The following TMPRSS13 variants were observed in gnomAD, a reference collection of about 807,000 sequenced individuals.
TMPRSS13 encodes the protein transmembrane protease serine 13.
In TMPRSS13, 50 loss-of-function variants were observed where a neutral mutation model predicts 68.4. The ratio of observed to expected loss-of-function variants is 0.73; its 90% CI spans 0.58 to 0.93. The LOEUF (loss-of-function observed/expected upper bound fraction) is 0.93. Ranked by LOEUF, TMPRSS13 falls within the 40% of genes least tolerant of loss-of-function variation. The probability of loss-of-function intolerance (pLI) is 0.00; values close to 1 mark genes in which losing one functional copy is unlikely to be tolerated. For missense variants in TMPRSS13, 615 were observed against 729.2 expected, an observed-to-expected ratio of 0.84 and a Z score of 1.80; for synonymous variants, 267 against 285.8, an observed-to-expected ratio of 0.93 and a Z score of 0.66.
chr11:117,906,390 A>AG (rs1339865365), intron 9 of TMPRSS13, among the ~76,000 whole-genome samples: 1 of 152,178 alleles, frequency 6.6e-6, no homozygotes, highest in African/African-American at 2.4e-5. Flanking sequence ...TGGTGTCCCT[A>AG]GGGGGACCAG....
At chr11:117,924,474 G>A (rs75195166) in intron 1 of TMPRSS13, among the ~76,000 whole-genome samples, 7,511 of 152,182 alleles carry the variant, frequency 0.049, 274 homozygotes, top group East Asian at 0.18. Context: ...CCATAGGGTG[G>A]GCACGGGCAG....
chr11:117,904,085 G>A lies in TMPRSS13; in HGVS notation c.1398C>T (p.Phe466=), dbSNP rs748098187. ...TRETDDKTSP[F]LREVQVNLID... ...TGAGATTGACCTGCACCTCCCGGAGGAAGGGGGATGTCTTGTCTTCAGTGA... is the reference window on the plus strand; with the variant it reads ...TGAGATTGACCTGCACCTCCCGGAGAAAGGGGGATGTCTTGTCTTCAGTGA... Residue 466 remains phenylalanine, a synonymous_variant, in exon 11 of 13, where the codon TTC becomes TTT. Coordinates refer to ENST00000524993, the MANE Select transcript of TMPRSS13 (RefSeq NM_001077263.3). 2 of 1,614,048 alleles carry A rather than the reference G, an allele frequency of 1.2e-6. No individual in the cohort carries two copies. Among genetic ancestry groups the A allele is most frequent in the African/African-American group, 1.3e-5 (1 of 75,056 alleles).
intron 9 of TMPRSS13, among the ~76,000 whole-genome samples, chr11:117,905,995 T>G (rs1165817247): frequency 6.6e-6 from 1 of 152,182 alleles, no homozygotes; most frequent in Non-Finnish European, 1.5e-5. Context: ...TGCCCTGTGG[T>G]CAGATGCGTA....
intron 3 of TMPRSS13, among the ~76,000 whole-genome samples, chr11:117,916,059 CT>C (rs1233692263): frequency 6.6e-6 from 1 of 152,200 alleles, no homozygotes; most frequent in African/African-American, 2.4e-5. Context: ...CACACTGCCC[CT>C]CCCTCAGAAT....
At chr11:117,911,913 C>G (rs1331714570) in intron 5 of TMPRSS13, 53 bp from the exon 6 acceptor site, 1 of 1,491,254 alleles carries the variant, frequency 6.7e-7, no homozygotes, top group African/African-American at 1.4e-5. Context: ...AGAGTCATCC[C>G]AAGTCCTCCA....
intron 5 of TMPRSS13, 144 bp downstream of exon 5, chr11:117,913,633 C>T: frequency 2.0e-6 from 2 of 1,021,892 alleles, no homozygotes; most frequent in Non-Finnish European, 2.8e-6. Context: ...CTCTGAACAC[C>T]TCGAGGGTGT....
intron 8 of TMPRSS13, 74 bp downstream of exon 8, chr11:117,909,732 C>T: frequency 6.6e-7 from 1 of 1,519,502 alleles, no homozygotes; most frequent in Non-Finnish European, 8.9e-7. Context: ...ACGAAGAAGT[C>T]AGTCTGCAGC....
rs760664026 is a variant in TMPRSS13, at chr11:117,918,649, G to T, written c.211C>A (p.Pro71Thr). Residue 71 changes from proline to threonine, a missense_variant, in exon 2 of 13, where the codon CCA (proline) becomes ACA (threonine). Physicochemically the swap from Pro to Thr is conservative, Grantham distance 38. Transcript: ENST00000524993. ...PAGTPPGRASPGRASPAQASP... is the reference protein window; with the variant it reads ...PAGTPPGRASTGRASPAQASP... ...GCCTGGGCTGGAGATGCCCGGCCTG[G>T]AGATGCCCGGCCTGGAGGTGTACCA... The T allele has an allele frequency of 1.9e-6, 3 of 1,593,124 alleles. No homozygotes were observed. The African/African-American group carries it at 4.1e-5, about 22-fold the overall frequency.
Position 117,914,331 on chromosome 11 carries a change from A to T in TMPRSS13, c.679+61T>A. On this transcript the variant is annotated intron_variant, in intron 4 of 12. Coordinates refer to ENST00000524993, the MANE Select transcript of TMPRSS13 (RefSeq NM_001077263.3). This position sits in a 1 kb window ranked among gnomAD's most constrained non-coding sequence, Gnocchi z 4.2. Reference sequence around the variant, plus strand: ...CATGCATACACACACACATATACAAACAGGCACACAAACACATGCACATGC... The same window carrying T: ...CATGCATACACACACACATATACAATCAGGCACACAAACACATGCACATGC... The T allele has an allele frequency of 3.7e-6, 6 of 1,601,368 alleles. No homozygotes were observed. Among genetic ancestry groups the T allele is most frequent in the Non-Finnish European group, 5.1e-6 (6 of 1,176,098 alleles).
rs762494002 is a variant in TMPRSS13 at position 117,914,478 on chromosome 11, TTGTACCTGA to T, written c.584_592del (p.Ile195_Tyr197del). ...CTTGGGACAGCTCTCCCTCTGCTCC[TTGTACCTGA>T]TCCCTGTGTGGCCCTGCCAGAACTG... is the stretch of plus-strand genomic sequence containing the variant. On this transcript the variant is annotated inframe_deletion, in exon 4 of 13. Coordinates refer to ENST00000524993, the MANE Select transcript of TMPRSS13 (RefSeq NM_001077263.3). This position sits in a 1 kb window ranked among gnomAD's most constrained non-coding sequence, Gnocchi z 4.2. 2 of 1,614,046 alleles carry T rather than the reference TTGTACCTGA, an allele frequency of 1.2e-6. No homozygotes were observed. Among genetic ancestry groups the T allele is most frequent in the Admixed American group, 1.7e-5 (1 of 60,018 alleles).
At chr11:117,927,383 T>G (rs1280410425) in intron 1 of TMPRSS13, among the ~76,000 whole-genome samples, 2 of 152,214 alleles carry the variant, frequency 1.3e-5, no homozygotes, top group Non-Finnish European at 2.9e-5. Context: ...GAAACTAAGG[T>G]ACAGAAAGGT....
intron 1 of TMPRSS13, among the ~76,000 whole-genome samples, chr11:117,924,698 C>CTT (rs1201850589): frequency 3.3e-5 from 5 of 152,094 alleles, no homozygotes; most frequent in Middle Eastern, 3.2e-3. Flanking sequence ...GACTGGGTGA[C>CTT]TTTTTTCCCT....
Position 117,910,737 on chromosome 11 carries a change from A to T in TMPRSS13, c.916T>A (p.Ser306Thr), listed in dbSNP as rs1276467583. ...QESLHRSECP[S>T]QRYISLQCSH... is the part of the protein sequence containing the mutation. ...CACTGGAGAGAGATATACCGCTGGG[A>T]AGGGCATTCAGACCTGCAGGGGGAG... The change falls in exon 7 of 13, where the codon TCC becomes ACC. Residue 306 changes from serine (S) to threonine (T), a missense_variant. Ser to Thr is a moderately conservative substitution (Grantham distance 58). Transcript: ENST00000524993. 6.2e-7 allele frequency: 1 copy of T among 1,608,538 alleles called. No homozygotes were observed. Among genetic ancestry groups the T allele is most frequent in the South Asian group, 1.1e-5 (1 of 90,062 alleles).
rs756956614 is a variant in TMPRSS13 at position 117,918,570 on chromosome 11, G to A, written c.290C>T (p.Ser97Phe). 1.9e-6 allele frequency: 3 copies of A among 1,614,212 alleles called. No homozygotes were observed. The highest frequency in any genetic ancestry group is 4.5e-5 in the East Asian group (2 of 44,874). ...TGATGACCTGCCGGATGAGGACCTGGAAAGTGATGCCAGAGCCGGAGATGC... is the reference window on the plus strand; with the variant it reads ...TGATGACCTGCCGGATGAGGACCTGAAAAGTGATGCCAGAGCCGGAGATGC... ...ARASPALASL[S>F]RSSSGRSSSA... The change falls in exon 2 of 13, where the codon TCC becomes TTC. Residue 97 changes from serine (S) to phenylalanine (F), a missense_variant. Transcript: ENST00000524993.
intron 1 of TMPRSS13, among the ~76,000 whole-genome samples, chr11:117,928,111 T>C (rs999019047): frequency 6.6e-6 from 1 of 152,186 alleles, no homozygotes; most frequent in Non-Finnish European, 1.5e-5. Context: ...CCATCTAGTT[T>C]AGGCTCCCAG....
chr11:117,918,320 T>C, intron 2 of TMPRSS13, 89 bp downstream of exon 2: 2 of 1,429,420 alleles, frequency 1.4e-6, no homozygotes, highest in Admixed American at 3.9e-5. Context: ...TTGTCTGCTA[T>C]GAGAGCAGAG....
chr11:117,912,816 T>A (rs1313735252), intron 5 of TMPRSS13, among the ~76,000 whole-genome samples: 1 of 152,250 alleles, frequency 6.6e-6, no homozygotes, highest in Non-Finnish European at 1.5e-5. Flanking sequence ...TATTCCTTTG[T>A]GTCCAGGTAC....
rs1225817303 is a variant in TMPRSS13 at position 117,922,862 on chromosome 11, T to C, written c.22-4024A>G. 6.6e-6 allele frequency among the ~76,000 whole-genome samples: 1 copy of C among 152,194 alleles called. No individual in the cohort carries two copies. The highest frequency in any genetic ancestry group is 1.5e-5 in the Non-Finnish European group (1 of 68,026). On this transcript the variant is annotated intron_variant, in intron 1 of 12. Transcript: ENST00000524993. This position sits in a 1 kb window ranked among gnomAD's most constrained non-coding sequence, Gnocchi z 4.2. ...GAGGTTACCCCCTGCAGTAACACAA[T>C]TGTAAGCCCTTACCATGACATGGAA... is the stretch of plus-strand genomic sequence containing the variant.
In TMPRSS13 at chr11:117,922,378, G is replaced by T. The variant is rs962651715; in HGVS notation, c.22-3540C>A. Among the ~76,000 whole-genome samples, 3 of 152,166 alleles carry T rather than the reference G, an allele frequency of 2.0e-5. No homozygotes were observed. The highest frequency in any genetic ancestry group is 2.1e-4 in the South Asian group (1 of 4,820). Reference sequence around the variant, plus strand: ...GCCTCCTGAGTACCTGGGACTACAGGCACGCGCCACTGTGCCCAGCTAATT... The same window carrying T: ...GCCTCCTGAGTACCTGGGACTACAGTCACGCGCCACTGTGCCCAGCTAATT... On this transcript the variant is annotated intron_variant, in intron 1 of 12. Transcript: ENST00000524993. The surrounding 1 kb of genome is among the most constrained non-coding windows in gnomAD (Gnocchi z 4.2).
Sources: allele counts gnomAD v4.1 joint callset (sites outside exome capture counted in the v4.1 genomes callset), GRCh38; gene constraint gnomAD v4.1.1; non-coding constraint Gnocchi (gnomAD v3.1); transcripts MANE v1.5; gene names NCBI Gene and HGNC (gene_info 2026-07-23, HGNC 2026-07-21).